Variants in SMG6 observed in about 807,000 individuals in gnomAD.
SMG6 encodes the protein SMG6 nonsense mediated mRNA decay factor.
A neutral mutation model predicts 142.2 loss-of-function variants in SMG6; 66 were observed. The ratio of observed to expected loss-of-function variants is 0.46; its 90% CI spans 0.38 to 0.57. The LOEUF (loss-of-function observed/expected upper bound fraction) is 0.57. Among genes scored for constraint, SMG6 ranks in the 20% least tolerant of loss-of-function variants. SMG6 has a pLI of 0.00. For missense variants in SMG6, 1,793 were observed against 1,832.0 expected (o/e 0.98, Z 0.39); for synonymous variants, 779 against 702.4 (o/e 1.11, Z -1.72).
At chr17:2,095,405 C>A (rs1017999958) in intron 13 of SMG6, among the ~76,000 whole-genome samples, 1 of 152,174 alleles carries the variant, frequency 6.6e-6, no homozygotes, top group African/African-American at 2.4e-5. Context: ...ATTTATTCTA[C>A]GCGTGGCACA....
At chr17:2,077,096 A>G (rs1481429223) in intron 15 of SMG6, among the ~76,000 whole-genome samples, 1 of 152,232 alleles carries the variant, frequency 6.6e-6, no homozygotes, top group Non-Finnish European at 1.5e-5. Flanking sequence ...ACGGACGCTC[A>G]TTCACACTTC....
At chr17:2,265,847 T>C in intron 8 of SMG6, 1 of 268,460 alleles carries the variant, frequency 3.7e-6, no homozygotes, top group Non-Finnish European at 5.7e-6. Flanking sequence ...AAATAAAGTG[T>C]GATGGAGTAT....
At chr17:2,153,185 T>G (rs952737018) in intron 13 of SMG6, among the ~76,000 whole-genome samples, 1 of 152,238 alleles carries the variant, frequency 6.6e-6, no homozygotes, top group African/African-American at 2.4e-5. Flanking sequence ...TTTTTAAAGC[T>G]TATTAGCTAT....
chr17:2,298,848 A>G (rs2075203475), intron 2 of SMG6, 58 bp downstream of exon 2: 3 of 1,509,104 alleles, frequency 2.0e-6, no homozygotes, highest in Non-Finnish European at 2.7e-6. Context: ...AGCCATAGCA[A>G]TCTATACACC....
intron 15 of SMG6, among the ~76,000 whole-genome samples, chr17:2,070,093 G>A (rs1480436552): frequency 6.6e-6 from 1 of 152,196 alleles, no homozygotes; most frequent in Non-Finnish European, 1.5e-5. Flanking sequence ...CTCTCACCAA[G>A]CACGTGGCCC....
intron 10 of SMG6, among the ~76,000 whole-genome samples, chr17:2,195,046 G>A (rs960798970): frequency 9.9e-5 from 15 of 152,170 alleles, no homozygotes; most frequent in Non-Finnish European, 1.9e-4. Context: ...AGCAAGAGGC[G>A]GCCTGGGAAG....
chr17:2,218,563 A>C (rs953810307), intron 10 of SMG6, among the ~76,000 whole-genome samples: 1 of 152,134 alleles, frequency 6.6e-6, no homozygotes, highest in African/African-American at 2.4e-5. Flanking sequence ...AAGATAACCA[A>C]ATAAGGAAAC....
In SMG6 at chr17:2,297,287, A is replaced by C. The variant is rs747315700; in HGVS notation, c.2107T>G (p.Tyr703Asp). 6.2e-7 allele frequency: 1 copy of C among 1,613,500 alleles called. No homozygotes were observed. Among genetic ancestry groups the C allele is most frequent in the Non-Finnish European group, 8.5e-7 (1 of 1,179,748 alleles). ...QVTYKFKLED[Y>D]MDGLAIRSKP... ...CTGCGAATGGCAAGACCATCCATGT[A>C]GTCTTCCAGTTTGAACTTGTAAGTA... The change falls in exon 4 of 19, where the codon TAC becomes GAC. Residue 703 changes from tyrosine (Y) to aspartate (D), a missense_variant. By Grantham distance (160) the Tyr-to-Asp change is radical (BLOSUM62 -3). Transcript: ENST00000263073.
At chr17:2,229,551 C>G (rs1422767159) in intron 10 of SMG6, 1 of 152,136 alleles carries the variant, frequency 6.6e-6, no homozygotes, top group Non-Finnish European at 1.5e-5. Context: ...ATCTATGAAA[C>G]AGGACACAAA....
At chr17:2,091,204 A>T (rs1008083533) in intron 13 of SMG6, among the ~76,000 whole-genome samples, 3 of 152,212 alleles carry the variant, frequency 2.0e-5, no homozygotes, top group African/African-American at 7.2e-5. Flanking sequence ...TTCAGACACA[A>T]GAAATAAAAA....
intron 8 of SMG6, among the ~76,000 whole-genome samples, chr17:2,269,417 G>A (rs2074499047): frequency 6.7e-6 from 1 of 148,864 alleles, no homozygotes; most frequent in Non-Finnish European, 1.5e-5. Flanking sequence ...AAAAGAAAAT[G>A]CCACCTACAT....
intron 13 of SMG6, among the ~76,000 whole-genome samples, chr17:2,118,547 A>G (rs866886642): frequency 1.8e-4 from 27 of 151,998 alleles, no homozygotes; most frequent in Non-Finnish European, 2.9e-4. Flanking sequence ...TCAAAAAAAA[A>G]TTTATTTCCA....
intron 13 of SMG6, among the ~76,000 whole-genome samples, chr17:2,172,323 G>A (rs2071529383): frequency 6.6e-6 from 1 of 152,108 alleles, no homozygotes. Context: ...CGGGGAGGAA[G>A]GGGGAGAAAG....
At chr17:2,126,763 T>C (rs946482758) in intron 13 of SMG6, among the ~76,000 whole-genome samples, 1 of 146,894 alleles carries the variant, frequency 6.8e-6, no homozygotes, top group Non-Finnish European at 1.5e-5. Context: ...AATTAAACAC[T>C]TTTGTGCATC....
rs565443661 is a variant in SMG6, at chr17:2,211,542, T to C, written c.2870-23027A>G. ...AGCCGGGCGTGGTGGTGGGCGCCTG[T>C]AGTCTCAGCTACTCGGGAGGCTGAG... On this transcript the variant is annotated intron_variant, in intron 10 of 18. Coordinates refer to ENST00000263073, the MANE Select transcript of SMG6 (RefSeq NM_017575.5). Among the ~76,000 whole-genome samples, 3 of 151,794 alleles carry C rather than the reference T, an allele frequency of 2.0e-5. No individual in the cohort carries two copies. The East Asian group carries it at 5.8e-4, about 29-fold the overall frequency.
intron 8 of SMG6, among the ~76,000 whole-genome samples, chr17:2,247,359 C>G (rs1183865399): frequency 2.0e-5 from 3 of 152,138 alleles, no homozygotes; most frequent in Non-Finnish European, 4.4e-5. Flanking sequence ...TCTCTCTCTT[C>G]CTATTTTAAC....
intron 10 of SMG6, among the ~76,000 whole-genome samples, chr17:2,197,393 G>T (rs149658489): frequency 6.6e-6 from 1 of 151,336 alleles, no homozygotes; most frequent in East Asian, 1.9e-4. Context: ...GCAAGACTGT[G>T]TCTCTAAAAA....
intron 8 of SMG6, among the ~76,000 whole-genome samples, chr17:2,271,723 TAAA>T (rs773537740): frequency 1.3e-5 from 2 of 151,580 alleles, no homozygotes; most frequent in African/African-American, 2.4e-5. Context: ...TCAAAAAAAA[TAAA>T]AATAAAAATA....
intron 10 of SMG6, among the ~76,000 whole-genome samples, chr17:2,231,898 T>C (rs931499117): frequency 2.0e-5 from 3 of 151,808 alleles, no homozygotes; most frequent in Admixed American, 6.6e-5. Context: ...ATGAAACTGG[T>C]AGAGGAAAAC....
Sources: allele counts gnomAD v4.1 joint callset (sites outside exome capture counted in the v4.1 genomes callset), GRCh38; gene constraint gnomAD v4.1.1; transcripts MANE v1.5; gene names NCBI Gene and HGNC (gene_info 2026-07-23, HGNC 2026-07-21).